The following NFIB variants were observed in gnomAD, a reference collection of about 807,000 sequenced individuals.
NFIB encodes nuclear factor I B.
NFIB carries 11 observed loss-of-function variants against 61.5 expected under a neutral mutation model. That is an observed-to-expected ratio of 0.18 (90% CI 0.11 to 0.30). The LOEUF is 0.30. NFIB is among the 10% of genes least tolerant of loss of function. NFIB has a pLI of 1.00. For synonymous variants in NFIB, 260 were observed against 216.5 expected (o/e 1.20, Z -1.76); for missense variants, 471 against 608.9 (o/e 0.77, Z 2.38).
Position 14,335,942 on chromosome 9 carries a change from G to A in NFIB, c.109-28422C>T, listed in dbSNP as rs543023982. ...ATTGAAAAGACTTTTTTCCCCCACT[G>A]AATCGAGTTCAAACCTTTGTCCAAA... On this transcript the variant is annotated intron_variant, in intron 1 of 8. Transcript: ENST00000380934. Among the ~76,000 whole-genome samples, 33 of 152,250 alleles carry A rather than the reference G, an allele frequency of 2.2e-4. No individual in the cohort carries two copies. The South Asian group carries it at 6.0e-3, about 28-fold the overall frequency.
chr9:14,230,292 A>T (rs1350086938), intron 2 of NFIB, among the ~76,000 whole-genome samples: 1 of 152,224 alleles, frequency 6.6e-6, no homozygotes, highest in Non-Finnish European at 1.5e-5. Flanking sequence ...TCATGTCCTC[A>T]TAGAGCTTTG....
chr9:14,254,166 T>C (rs899113294), intron 2 of NFIB, among the ~76,000 whole-genome samples: 1 of 152,030 alleles, frequency 6.6e-6, no homozygotes, highest in Non-Finnish European at 1.5e-5. Context: ...CCAGGCATGA[T>C]GGCACACACC....
At chr9:14,140,864 G>T (rs1015829637) in intron 6 of NFIB, among the ~76,000 whole-genome samples, 2 of 152,112 alleles carry the variant, frequency 1.3e-5, no homozygotes, top group African/African-American at 4.8e-5. Context: ...AACCTGGGGG[G>T]GTCAGGGCTA....
intron 2 of NFIB, among the ~76,000 whole-genome samples, chr9:14,272,247 T>C (rs990898281): frequency 6.6e-6 from 1 of 152,152 alleles, no homozygotes; most frequent in African/African-American, 2.4e-5. Context: ...TTAAAATATC[T>C]TACTCCCAAT....
chr9:14,441,165 C>CAAA, the NFIB span, among the ~76,000 whole-genome samples: 11 of 124,056 alleles, frequency 8.9e-5, no homozygotes, highest in African/African-American at 3.3e-4. Flanking sequence ...AGAGAGAAAA[C>CAAA]AAAAAAAAAA....
chr9:14,472,194 G>C, the NFIB span, among the ~76,000 whole-genome samples: 7 of 152,356 alleles, frequency 4.6e-5, no homozygotes, highest in Non-Finnish European at 7.3e-5. Context: ...GTATCTTTCT[G>C]ATGATATGGT....
At chr9:14,093,728 A>T (rs12551855) in intron 10 of NFIB, among the ~76,000 whole-genome samples, 10,803 of 152,088 alleles carry the variant, frequency 0.071, 738 homozygotes, top group South Asian at 0.28. Context: ...TAATTGCTGA[A>T]AACCTGTTGG....
chr9:14,408,979 C>A, the NFIB span, among the ~76,000 whole-genome samples: 5 of 152,048 alleles, frequency 3.3e-5, no homozygotes, highest in Non-Finnish European at 5.9e-5. Flanking sequence ...TGGGTTTAAA[C>A]CCAGCCAGTC....
chr9:14,107,892 G>A (rs183828465), intron 10 of NFIB, among the ~76,000 whole-genome samples: 9 of 152,204 alleles, frequency 5.9e-5, no homozygotes, highest in African/African-American at 2.2e-4. Context: ...TGTTTCTGTT[G>A]ATTAAAGTTA....
chr9:14,353,027 A>T (rs1402505783), intron 1 of NFIB, among the ~76,000 whole-genome samples: 1 of 152,110 alleles, frequency 6.6e-6, no homozygotes, highest in African/African-American at 2.4e-5. Flanking sequence ...TTTCTGCTGG[A>T]GGGCACACAG....
At chr9:14,278,920 C>T (rs2058185574) in intron 2 of NFIB, among the ~76,000 whole-genome samples, 1 of 152,102 alleles carries the variant, frequency 6.6e-6, no homozygotes, top group African/African-American at 2.4e-5. Flanking sequence ...CACTCAAACA[C>T]CTAAGCTGAA....
At chr9:14,105,536 TTAA>T (rs1407948767) in intron 10 of NFIB, among the ~76,000 whole-genome samples, 2 of 152,152 alleles carry the variant, frequency 1.3e-5, no homozygotes, top group Non-Finnish European at 2.9e-5. Flanking sequence ...TTTTTTTCAA[TTAA>T]TAAACCTTCT....
At chr9:14,245,419 C>T (rs559264546) in intron 2 of NFIB, among the ~76,000 whole-genome samples, 35 of 151,862 alleles carry the variant, frequency 2.3e-4, no homozygotes, top group Non-Finnish European at 4.0e-4. Context: ...ATATGCCAAG[C>T]ACCATATACT....
At chr9:14,172,695 C>G (rs1200049232) in intron 3 of NFIB, among the ~76,000 whole-genome samples, 1 of 152,148 alleles carries the variant, frequency 6.6e-6, no homozygotes, top group African/African-American at 2.4e-5. Context: ...AAATCTCTAA[C>G]ATTCTATTCT....
intron 2 of NFIB, among the ~76,000 whole-genome samples, chr9:14,233,421 C>CTTTT (rs766595252): frequency 4.6e-5 from 5 of 109,120 alleles, no homozygotes; most frequent in Non-Finnish European, 7.4e-5. Context: ...TGCTATTATT[C>CTTTT]TTTTTTTTTT....
chr9:14,397,355 C>A lies in NFIB; in HGVS notation c.108+1169G>T, dbSNP rs73419685. 7.4e-3 allele frequency among the ~76,000 whole-genome samples: 1,121 copies of A among 152,282 alleles called. 23 individuals are homozygous for A. The highest frequency in any genetic ancestry group is 0.025 in the African/African-American group (1,031 of 41,570). On this transcript the variant is annotated intron_variant, in intron 1 of 8. Transcript: ENST00000380934. ...GTGTATTTGTGCCATTGGACAAATTCTTCTTGAACAGCTTTATGCAGTTAA... is the reference window on the plus strand; with the variant it reads ...GTGTATTTGTGCCATTGGACAAATTATTCTTGAACAGCTTTATGCAGTTAA...
chr9:14,312,716 AC>A (rs1247544251), intron 1 of NFIB, among the ~76,000 whole-genome samples: 2 of 152,160 alleles, frequency 1.3e-5, no homozygotes, highest in Non-Finnish European at 2.9e-5. Context: ...GAAAAAAATG[AC>A]CTTACTTCTA....
intron 1 of NFIB, among the ~76,000 whole-genome samples, chr9:14,326,698 G>GAAA (rs34910775): frequency 1.5e-4 from 19 of 125,454 alleles, no homozygotes; most frequent in Non-Finnish European, 2.3e-4. Flanking sequence ...GTGGTTTACA[G>GAAA]AAAAAAAAAA....
intron 2 of NFIB, among the ~76,000 whole-genome samples, chr9:14,262,653 C>T (rs1037153766): frequency 3.9e-5 from 6 of 152,200 alleles, no homozygotes; most frequent in Non-Finnish European, 8.8e-5. Flanking sequence ...TCTGAGATGC[C>T]TTCTCCTTTC....
Sources: allele counts gnomAD v4.1 joint callset (sites outside exome capture counted in the v4.1 genomes callset), GRCh38; gene constraint gnomAD v4.1.1; transcripts MANE v1.5; gene names NCBI Gene and HGNC (gene_info 2026-07-23, HGNC 2026-07-21).